TUB: variants seen among roughly 807,000 people sequenced by gnomAD.
TUB encodes the protein tubby protein homolog.
Under a neutral mutation model 59.7 loss-of-function variants are expected in TUB, and 33 were observed. The ratio of observed to expected loss-of-function variants is 0.55; its 90% CI spans 0.42 to 0.74. TUB has a LOEUF of 0.74. Among genes scored for constraint, TUB ranks in the 30% least tolerant of loss-of-function variants. The probability of loss-of-function intolerance (pLI) is 0.00; values close to 1 mark genes in which losing one functional copy is unlikely to be tolerated. For missense variants in TUB, 659 were observed against 672.0 expected (o/e 0.98, Z 0.21); for synonymous variants, 293 against 256.4 (o/e 1.14, Z -1.36).
At position 8,025,913 on chromosome 11, in the gene TUB, A is replaced by AT. The variant is rs1942494037; in HGVS notation, c.56+6559dup. On this transcript the variant is annotated intron_variant, in intron 1 of 11. Transcript: ENST00000534099. ...CCAACTTTTCCAAAGAGGTTGGACC[A>AT]TTTTATATTCTCATGAGCATTGTAT... is the stretch of plus-strand genomic sequence containing the variant. 3.9e-5 allele frequency among the ~76,000 whole-genome samples: 6 copies of AT among 152,334 alleles called. No individual in the cohort carries two copies. In the South Asian group the frequency reaches 1.2e-3, roughly 32 times the overall value.
Position 8,095,629 on chromosome 11 carries a change from A to G in TUB, c.529A>G (p.Ser177Gly), listed in dbSNP as rs368868609. 4.3e-6 allele frequency: 7 copies of G among 1,609,262 alleles called. No homozygotes were observed. Among genetic ancestry groups the G allele is most frequent in the Non-Finnish European group, 5.9e-6 (7 of 1,178,164 alleles). ...GGCAGCTGGTGGGGGCGAACGGCCCAGCGGGCAGGATCTCCGTGCCACGAT... is the reference window on the plus strand; with the variant it reads ...GGCAGCTGGTGGGGGCGAACGGCCCGGCGGGCAGGATCTCCGTGCCACGAT... Reference protein sequence around the residue: ...ETAAGGGERPSGQDLRATMQR... With the variant: ...ETAAGGGERPGGQDLRATMQR... Residue 177 changes from serine (S) to glycine (G), a missense_variant, in exon 5 of 12, where the codon AGC becomes GGC. Physicochemically the swap from Ser to Gly is moderately conservative, Grantham distance 56. Coordinates refer to ENST00000299506, the MANE Select transcript of TUB (RefSeq NM_177972.3).
At position 8,100,868 on chromosome 11, in the gene TUB, G is replaced by A. The variant is rs763354503; in HGVS notation, c.1258G>A (p.Glu420Lys). Residue 420 changes from glutamate to lysine, a missense_variant, in exon 11 of 12, where the codon GAG becomes AAG. This residue lies in a region of TUB where 226 missense variants were observed against 210.8 expected (regional missense o/e 1.07). Transcript: ENST00000299506. The part of the protein sequence containing the change: ...LLARWQNKNT[E>K]SIIELQNKTP... ...AGCACGCTGGCAGAATAAGAACACG[G>A]AGAGTATCATCGAGCTGCAAAACAA... 5 of 1,614,086 alleles carry A rather than the reference G, an allele frequency of 3.1e-6. No homozygotes were observed. The highest frequency in any genetic ancestry group is 4.2e-6 in the Non-Finnish European group (5 of 1,180,050).
At chr11:8,022,950 C>CA (rs1942451342) in intron 1 of TUB, among the ~76,000 whole-genome samples, 1 of 152,150 alleles carries the variant, frequency 6.6e-6, no homozygotes, top group South Asian at 2.1e-4. Flanking sequence ...ACAACAACAA[C>CA]AAAACAACTG....
chr11:8,030,003 G>A (rs888412254), intron 1 of TUB, among the ~76,000 whole-genome samples: 4 of 152,158 alleles, frequency 2.6e-5, no homozygotes, highest in African/African-American at 7.2e-5. Context: ...ACAGAGGGTC[G>A]ATGAGGAATG....
At chr11:8,096,927 T>C in intron 6 of TUB, 121 bp downstream of exon 6, 1 of 1,122,336 alleles carries the variant, frequency 8.9e-7, no homozygotes, top group East Asian at 2.3e-5. Flanking sequence ...GCCTCTTATG[T>C]CCCTCTACCT....
intron 2 of TUB, among the ~76,000 whole-genome samples, chr11:8,053,012 A>G (rs371404132): frequency 1.3e-5 from 2 of 152,234 alleles, no homozygotes; most frequent in Non-Finnish European, 2.9e-5. Context: ...GCTAGAACTT[A>G]TAAAACAATG....
intron 10 of TUB, 84 bp downstream of exon 10, chr11:8,100,685 G>A: frequency 2.7e-6 from 4 of 1,494,750 alleles, no homozygotes; most frequent in African/African-American, 1.6e-5. Context: ...CAGCTGATGT[G>A]TGTATGTGGA....
Position 8,094,130 on chromosome 11 carries a change from C to T in TUB, c.338C>T (p.Ala113Val), listed in dbSNP as rs2133853076. Residue 113 changes from alanine to valine, a missense_variant, in exon 4 of 12, where the codon GCA becomes GTA. This residue lies in a region of TUB where 321 missense variants were observed against 304.3 expected (regional missense o/e 1.05). Transcript: ENST00000299506. ...GCTTCAGCCAAGAGAACCAAGGCGG[C>T]AGCTACAGCAGGGGGCCAGGGTGGC... The part of the protein sequence containing the change: ...APASAKRTKA[A>V]ATAGGQGGAA... The T allele has an allele frequency of 1.9e-6, 3 of 1,614,122 alleles. No individual in the cohort carries two copies. The highest frequency in any genetic ancestry group is 1.1e-5 in the South Asian group (1 of 91,080).
intron 1 of TUB, among the ~76,000 whole-genome samples, chr11:8,032,270 C>G (rs190117417): frequency 3.5e-4 from 53 of 152,318 alleles, no homozygotes; most frequent in African/African-American, 1.2e-3. Flanking sequence ...CGCCCCCACC[C>G]CCAACTACCA....
chr11:8,060,415 G>A (rs1179185353), intron 2 of TUB, among the ~76,000 whole-genome samples: 1 of 152,210 alleles, frequency 6.6e-6, no homozygotes, highest in Non-Finnish European at 1.5e-5. Flanking sequence ...GGAGTTGGAG[G>A]CCACAGTGGT....
chr11:8,020,557 C>T (rs1942409349), intron 1 of TUB, among the ~76,000 whole-genome samples: 1 of 152,218 alleles, frequency 6.6e-6, no homozygotes, highest in Admixed American at 6.5e-5. Context: ...AACTTATTCA[C>T]CTGTGTCTTG....
At chr11:8,082,542 T>C (rs1220846229) in intron 1 of TUB, among the ~76,000 whole-genome samples, 2 of 152,212 alleles carry the variant, frequency 1.3e-5, no homozygotes, top group African/African-American at 4.8e-5. Context: ...GGAAAATGGG[T>C]GCTGGACTCC....
At chr11:8,075,292 C>T (rs1185614980) in intron 2 of TUB, among the ~76,000 whole-genome samples, 9 of 152,186 alleles carry the variant, frequency 5.9e-5, no homozygotes, top group Admixed American at 5.9e-4. Context: ...CTAAGGCGCC[C>T]ATCATCTGGT....
chr11:8,101,553 G>C lies in TUB; in HGVS notation c.1455G>C (p.Pro485=), dbSNP rs147880022. ...EDVFTMDYNY[P]LCALQAFAIA... ...TGTTCACCATGGATTACAACTACCC[G>C]CTGTGTGCACTGCAGGCCTTTGCCA... Residue 485 remains proline, a synonymous_variant, in exon 12 of 12, where the codon CCG becomes CCC. Coordinates refer to ENST00000299506, the MANE Select transcript of TUB (RefSeq NM_177972.3). 3 of 1,614,240 alleles carry C rather than the reference G, an allele frequency of 1.9e-6. No homozygotes were observed. In the East Asian group the frequency reaches 6.7e-5, roughly 36 times the overall value.
At chr11:8,089,806 TC>T in intron 2 of TUB, 145 bp downstream of exon 2, 1 of 1,209,094 alleles carries the variant, frequency 8.3e-7, no homozygotes, top group Non-Finnish European at 1.2e-6. Context: ...GTGCACTCTC[TC>T]CCAGCTCAGC....
At chr11:8,057,810 A>G (rs528945553) in intron 2 of TUB, among the ~76,000 whole-genome samples, 3 of 152,264 alleles carry the variant, frequency 2.0e-5, no homozygotes, top group Non-Finnish European at 4.4e-5. Flanking sequence ...GGAAAGGCCT[A>G]GGCAAAACTC....
rs956941877 is a variant in TUB at position 8,105,884 on chromosome 11, A to T, written c.*4265A>T. 6.6e-6 allele frequency: 1 copy of T among 152,160 alleles called. No homozygotes were observed. The highest frequency in any genetic ancestry group is 1.5e-5 in the Non-Finnish European group (1 of 68,030). The allele number at this position is 152,160 out of a possible 1,614,324, so 9.4% of individuals were successfully genotyped here. ...TAGAACGCAACTTAGGATGGCTAGG[A>T]AAGGGAAGCCTGACTGCTCGGTCAG... On this transcript the variant is annotated 3_prime_UTR_variant, in exon 12 of 12. Coordinates refer to ENST00000299506, the MANE Select transcript of TUB (RefSeq NM_177972.3).
chr11:8,041,370 G>A (rs763874265), intron 2 of TUB, among the ~76,000 whole-genome samples: 6 of 152,178 alleles, frequency 3.9e-5, no homozygotes, highest in Non-Finnish European at 5.9e-5. Context: ...GAGGAGCCAG[G>A]CATCTTTGGA....
chr11:8,095,010 G>T (rs1411262138), intron 4 of TUB, among the ~76,000 whole-genome samples: 1 of 152,238 alleles, frequency 6.6e-6, no homozygotes, highest in Non-Finnish European at 1.5e-5. Flanking sequence ...GAAGGCGAGT[G>T]TATGCCAATT....
Sources: gnomAD v4.1 joint callset for allele counts (sites outside exome capture counted in the v4.1 genomes callset) on GRCh38, gnomAD v4.1.1 for gene constraint, gnomAD v4.1.1 regional missense constraint, MANE v1.5 for transcripts, NCBI Gene and HGNC (gene_info 2026-07-23, HGNC 2026-07-21) for gene names.